The following LRRC37A2 variants were observed in gnomAD, a reference collection of about 807,000 sequenced individuals.
The protein encoded by LRRC37A2 is leucine rich repeat containing 37 member A2.
In LRRC37A2, 9 loss-of-function variants were observed where a neutral mutation model predicts 68.8. That is an observed-to-expected ratio of 0.13 (90% CI 0.08 to 0.23). LRRC37A2 has a LOEUF of 0.23. Among genes scored for constraint, LRRC37A2 ranks in the 10% least tolerant of loss-of-function variants. LRRC37A2 has a pLI of 1.00. For missense variants in LRRC37A2, 168 were observed against 950.4 expected (o/e 0.18, Z 10.82); for synonymous variants, 63 against 367.6 (o/e 0.17, Z 9.48).
the LRRC37A2 span, among the ~76,000 whole-genome samples, chr17:47,009,630 G>T: frequency 2.0e-5 from 3 of 152,328 alleles, no homozygotes; most frequent in East Asian, 5.8e-4. Flanking sequence ...GGTCCCTGAA[G>T]CCCCTGTAGA....
chr17:46,831,528 T>C, the LRRC37A2 span: 1 of 152,496 alleles, frequency 6.6e-6, no homozygotes, highest in Admixed American at 6.5e-5. Flanking sequence ...GGTCACCTTC[T>C]CTGTTCTAGG....
the LRRC37A2 span, chr17:46,721,711 C>T: frequency 1.9e-6 from 3 of 1,606,850 alleles, no homozygotes; most frequent in African/African-American, 4.0e-5. Flanking sequence ...CCTTTATGAG[C>T]CGGCTGCTAT....
the LRRC37A2 span, among the ~76,000 whole-genome samples, chr17:46,746,634 T>C: frequency 6.6e-6 from 1 of 152,290 alleles, no homozygotes; most frequent in East Asian, 1.9e-4. Flanking sequence ...TATTCCTTTT[T>C]CATTTTCCAA....
At chr17:46,377,692 C>G in the LRRC37A2 span, among the ~76,000 whole-genome samples, 1 of 60,618 alleles carries the variant, frequency 1.6e-5, no homozygotes, top group South Asian at 6.9e-4. Context: ...GCCTCAGCCT[C>G]CTGAGTAGCT....
the LRRC37A2 span, among the ~76,000 whole-genome samples, chr17:46,839,962 TTCTTTC>T: frequency 7.1e-6 from 1 of 140,296 alleles, no homozygotes; most frequent in Non-Finnish European, 1.6e-5. Flanking sequence ...CTTTCTTTCT[TTCTTTC>T]TTTCTTTCTC....
chr17:46,868,716 G>C, the LRRC37A2 span, among the ~76,000 whole-genome samples: 1 of 152,206 alleles, frequency 6.6e-6, no homozygotes, highest in Non-Finnish European at 1.5e-5. Context: ...TTGGCACTCA[G>C]CTAACTGTGG....
the LRRC37A2 span, among the ~76,000 whole-genome samples, chr17:46,392,393 C>T: frequency 1.8e-5 from 1 of 57,006 alleles, no homozygotes; most frequent in Non-Finnish European, 3.9e-5. Flanking sequence ...CTTTCTTTCT[C>T]TCTTTCTTTC....
At chr17:47,006,115 T>C in the LRRC37A2 span, among the ~76,000 whole-genome samples, 4 of 151,916 alleles carry the variant, frequency 2.6e-5, no homozygotes, top group African/African-American at 9.7e-5. Context: ...GAGGTTGTGG[T>C]GGGCCAAGAT....
the LRRC37A2 span, among the ~76,000 whole-genome samples, chr17:46,738,103 T>G: frequency 6.6e-6 from 1 of 151,916 alleles, no homozygotes; most frequent in African/African-American, 2.4e-5. Flanking sequence ...CTGACTAATC[T>G]TTATATTTTT....
At chr17:46,955,016 C>T in the LRRC37A2 span, among the ~76,000 whole-genome samples, 1 of 152,200 alleles carries the variant, frequency 6.6e-6, no homozygotes, top group East Asian at 1.9e-4. Flanking sequence ...TTATTTCCTT[C>T]TGCCTGATTG....
At chr17:46,969,675 C>G in the LRRC37A2 span, among the ~76,000 whole-genome samples, 1 of 152,176 alleles carries the variant, frequency 6.6e-6, no homozygotes, top group Admixed American at 6.5e-5. Context: ...TGGATAAATG[C>G]CTTAAACACG....
chr17:46,548,893 T>C (rs1161780947), exon 10 of LRRC37A2: 5 of 1,612,454 alleles, frequency 3.1e-6, no homozygotes, highest in Non-Finnish European at 4.2e-6. Context: ...GAAACCCTTC[T>C]CCAAGGGCGC....
the LRRC37A2 span, among the ~76,000 whole-genome samples, chr17:46,887,636 T>C: frequency 6.6e-6 from 1 of 152,054 alleles, no homozygotes; most frequent in African/African-American, 2.4e-5. Flanking sequence ...TGGTGGCATA[T>C]GCCTGTAACA....
chr17:47,006,674 C>T, the LRRC37A2 span, among the ~76,000 whole-genome samples: 1 of 152,300 alleles, frequency 6.6e-6, no homozygotes, highest in East Asian at 1.9e-4. Context: ...CTGGCATTGG[C>T]GCAGCACCAC....
chr17:46,715,023 C>T, the LRRC37A2 span, among the ~76,000 whole-genome samples: 1 of 152,116 alleles, frequency 6.6e-6, no homozygotes, highest in Non-Finnish European at 1.5e-5. Flanking sequence ...AAAGATGACT[C>T]CCAAAAAATG....
the LRRC37A2 span, among the ~76,000 whole-genome samples, chr17:46,785,024 G>A: frequency 5.9e-5 from 9 of 152,134 alleles, no homozygotes; most frequent in Admixed American, 4.6e-4. Flanking sequence ...TGATCTGCCC[G>A]CCTTGGCCTC....
chr17:46,992,198 C>CTAAATAAATAAATAAATAAATAAA, the LRRC37A2 span, among the ~76,000 whole-genome samples: 7,500 of 143,732 alleles, frequency 0.052, 285 homozygotes, highest in Middle Eastern at 0.12. Context: ...CCCATCTCTA[C>CTAAATAAATAAATAAATAAATAAA]TAAATAAATA....
At chr17:46,679,494 A>C in the LRRC37A2 span, among the ~76,000 whole-genome samples, 3 of 130,982 alleles carry the variant, frequency 2.3e-5, no homozygotes, top group Non-Finnish European at 4.8e-5. Context: ...GTTTGAGACC[A>C]GCCTGGTCAA....
At chr17:46,722,167 T>C in the LRRC37A2 span, 1 of 1,611,648 alleles carries the variant, frequency 6.2e-7, no homozygotes. Flanking sequence ...GAACTGAACA[T>C]GGCTTTCTCC....
Sources: gnomAD v4.1 joint callset for allele counts (sites outside exome capture counted in the v4.1 genomes callset) on GRCh38, gnomAD v4.1.1 for gene constraint, MANE v1.5 for transcripts, NCBI Gene and HGNC (gene_info 2026-07-23, HGNC 2026-07-21) for gene names.